The following FANCA variants were observed in gnomAD, a reference collection of about 807,000 sequenced individuals.
FANCA encodes FA complementation group A, also known as Fanconi anemia group A protein.
Under a neutral mutation model 194.3 loss-of-function variants are expected in FANCA, and 236 were observed. That is an observed-to-expected ratio of 1.21 (90% CI 1.09 to 1.35). FANCA has a LOEUF of 1.35. Among genes scored for constraint, FANCA ranks in the 40% most tolerant of loss-of-function variants. The pLI is 0.00. For synonymous variants in FANCA, 1,014 were observed against 715.8 expected, an observed-to-expected ratio of 1.42 and a Z score of -6.65; for missense variants, 2,628 against 1,813.9, an observed-to-expected ratio of 1.45 and a Z score of -8.15.
chr16:89,744,958 C>T lies in FANCA; in HGVS notation c.3626+1G>A. 6.2e-7 allele frequency: 1 copy of T among 1,611,566 alleles called. No homozygotes were observed. Among genetic ancestry groups the T allele is most frequent in the Non-Finnish European group, 8.5e-7 (1 of 1,179,700 alleles). On this transcript the variant is annotated splice_donor_variant, in intron 36 of 42. Coordinates refer to ENST00000389301, the MANE Select transcript of FANCA (RefSeq NM_000135.4). LOFTEE classifies it high-confidence loss of function. The stretch of plus-strand genomic sequence containing the variant: ...CACCCCATCTCACCACCCACACGTA[C>T]TCGCTGGCAAACTGCCGGCCTTCTT...
intron 17 of FANCA, 139 bp from the exon 18 acceptor site, chr16:89,780,096 G>C: frequency 3.9e-6 from 3 of 773,398 alleles, no homozygotes; most frequent in Admixed American, 2.0e-5. Context: ...CATGCTGTGC[G>C]CACAGCAGGG....
chr16:89,747,908 C>T (rs1035297334), intron 33 of FANCA, among the ~76,000 whole-genome samples: 1 of 152,010 alleles, frequency 6.6e-6, no homozygotes, highest in Non-Finnish European at 1.5e-5. Flanking sequence ...GTCCCCACAG[C>T]GAGTGTCACT....
intron 6 of FANCA, among the ~76,000 whole-genome samples, chr16:89,807,463 A>G (rs2040699847): frequency 6.6e-6 from 1 of 151,638 alleles, no homozygotes; most frequent in Non-Finnish European, 1.5e-5. Flanking sequence ...AAAAAGAAAA[A>G]AAAAGGCCGC....
intron 21 of FANCA, 99 bp downstream of exon 21, chr16:89,775,643 C>A: frequency 4.1e-6 from 4 of 981,658 alleles, no homozygotes; most frequent in Non-Finnish European, 6.3e-6. Flanking sequence ...GGCACAGCCA[C>A]CCCCGAGCTC....
At position 89,738,927 on chromosome 16, in the gene FANCA, C is replaced by T; in HGVS notation, c.4215G>A (p.Gln1405=). ...LITKARLFLL[Q]LIPRCPKKSF... is the part of the protein sequence containing the mutation. ...TCTTTTTCGGGCACCGAGGTATTAA[C>T]TGCAGCAGAAAAAGACGAGCTTTTG... The change falls in exon 42 of 43, where the codon CAG becomes CAA. Residue 1405 remains glutamine (Q), a synonymous_variant. Transcript: ENST00000389301. 6.2e-7 allele frequency: 1 copy of T among 1,614,278 alleles called. No individual in the cohort carries two copies. Among genetic ancestry groups the T allele is most frequent in the African/African-American group, 1.3e-5 (1 of 75,080 alleles).
intron 7 of FANCA, among the ~76,000 whole-genome samples, chr16:89,803,939 A>C (rs902985200): frequency 2.0e-5 from 3 of 151,998 alleles, no homozygotes; most frequent in African/African-American, 7.3e-5. Flanking sequence ...CTCTTAAATA[A>C]AAGTGGTTTC....
rs138826926 is a variant in FANCA at position 89,748,778 on chromosome 16, G to A, written c.3240-11C>T. 1 of 1,611,654 alleles carries A rather than the reference G, an allele frequency of 6.2e-7. No homozygotes were observed. The highest frequency in any genetic ancestry group is 1.3e-5 in the African/African-American group (1 of 75,036). On this transcript the variant is annotated splice_polypyrimidine_tract_variant and intron_variant, in intron 32 of 42. Transcript: ENST00000389301. ...AGGCGGAGGAGGATCCTGGAAAGAAGGGGCTGTATTGGTGGCGACAGCACA... is the reference window on the plus strand; with the variant it reads ...AGGCGGAGGAGGATCCTGGAAAGAAAGGGCTGTATTGGTGGCGACAGCACA...
chr16:89,776,292 C>G (rs1465014960), intron 20 of FANCA, among the ~76,000 whole-genome samples: 2 of 150,568 alleles, frequency 1.3e-5, no homozygotes, highest in African/African-American at 2.4e-5. Flanking sequence ...CTCACCCTCC[C>G]GAGTAGGTGG....
intron 33 of FANCA, among the ~76,000 whole-genome samples, chr16:89,748,024 G>A (rs2038450427): frequency 6.6e-6 from 1 of 152,136 alleles, no homozygotes; most frequent in Admixed American, 6.5e-5. Context: ...TACTCCTCCT[G>A]ACCCAGCCTC....
At chr16:89,803,160 A>T in intron 8 of FANCA, 99 bp downstream of exon 8, 2 of 1,170,572 alleles carry the variant, frequency 1.7e-6, no homozygotes, top group South Asian at 1.2e-5. Flanking sequence ...AAATAGGTAC[A>T]AACAGCACGT....
intron 14 of FANCA, among the ~76,000 whole-genome samples, chr16:89,789,494 G>A (rs1209517822): frequency 7.1e-6 from 1 of 140,696 alleles, no homozygotes; most frequent in Non-Finnish European, 1.5e-5. Flanking sequence ...AGGCTGGAGC[G>A]TAGTAATGCA....
chr16:89,771,762 G>C lies in FANCA; in HGVS notation c.2067C>G (p.Gly689=), dbSNP rs2143350973. Residue 689 remains glycine (G), a synonymous_variant, in exon 23 of 43, where the codon GGC becomes GGG. Coordinates refer to ENST00000389301, the MANE Select transcript of FANCA (RefSeq NM_000135.4). ...CAACGCTGCTGTCATCCTCATTGTG[G>C]CCCAGGACAGCCCTCAGTCTTTCAG... ...VISERLRAVL[G]HNEDDSSVEI... 6.2e-7 allele frequency: 1 copy of C among 1,614,024 alleles called. No homozygotes were observed.
chr16:89,777,255 G>A (rs898065144), intron 20 of FANCA, among the ~76,000 whole-genome samples: 3 of 152,090 alleles, frequency 2.0e-5, no homozygotes, highest in Non-Finnish European at 4.4e-5. Context: ...GGTGGAGCAC[G>A]CCTCTAGACC....
intron 7 of FANCA, 65 bp downstream of exon 7, chr16:89,805,215 C>A (rs1438473573): frequency 2.5e-5 from 32 of 1,263,366 alleles, no homozygotes; most frequent in Admixed American, 2.4e-4. Flanking sequence ...CTCTTGAGAG[C>A]AGAAGGCATT....
At chr16:89,803,371 T>A in intron 7 of FANCA, 30 bp from the exon 8 acceptor site, 1 of 1,586,714 alleles carries the variant, frequency 6.3e-7, no homozygotes, top group South Asian at 1.1e-5. Flanking sequence ...AAGTTATTTA[T>A]GGACATCATG....
chr16:89,805,239 A>G (rs1180842889), intron 7 of FANCA, 41 bp downstream of exon 7: 1 of 1,489,756 alleles, frequency 6.7e-7, no homozygotes, highest in Non-Finnish European at 9.3e-7. Flanking sequence ...ACAGATCAAA[A>G]TGAGTTTTAC....
chr16:89,779,968 T>G lies in FANCA; in HGVS notation c.1627-11A>C. On this transcript the variant is annotated splice_polypyrimidine_tract_variant and intron_variant, in intron 17 of 42. Coordinates refer to ENST00000389301, the MANE Select transcript of FANCA (RefSeq NM_000135.4). The stretch of plus-strand genomic sequence containing the variant: ...AGCTTGGCTGTGGGGCTGGTTCCCA[T>G]ACAGGGAGGAAAGGAAAAAGAACAG... The G allele has an allele frequency of 6.2e-7, 1 of 1,612,870 alleles. No individual in the cohort carries two copies. Among genetic ancestry groups the G allele is most frequent in the Non-Finnish European group, 8.5e-7 (1 of 1,178,970 alleles).
chr16:89,805,467 C>A (rs1774282913), intron 6 of FANCA, 75 bp from the exon 7 acceptor site: 1 of 1,242,982 alleles, frequency 8.0e-7, no homozygotes, highest in Non-Finnish European at 1.2e-6. Context: ...AGCCATATGT[C>A]CCAATTTTTT....
intron 8 of FANCA, among the ~76,000 whole-genome samples, chr16:89,801,854 CT>C (rs1338501584): frequency 3.3e-5 from 5 of 151,918 alleles, no homozygotes; most frequent in African/African-American, 1.2e-4. Flanking sequence ...CGCCACTGCA[CT>C]CTAGCCTGAG....
Sources: allele counts gnomAD v4.1 joint callset (sites outside exome capture counted in the v4.1 genomes callset), GRCh38; gene constraint gnomAD v4.1.1; transcripts MANE v1.5; gene names NCBI Gene and HGNC (gene_info 2026-07-23, HGNC 2026-07-21).